Variants in MOV10L1 observed in about 807,000 individuals in gnomAD.
MOV10L1 encodes the protein Mov10 like RNA helicase 1.
In MOV10L1, 110 loss-of-function variants were observed where a neutral mutation model predicts 143.8. The ratio of observed to expected loss-of-function variants is 0.76; its 90% confidence interval spans 0.66 to 0.90. The LOEUF (loss-of-function observed/expected upper bound fraction) is 0.90, where lower values mean the gene tolerates loss of function less well. MOV10L1 is among the 40% of genes least tolerant of loss of function. The pLI is 0.00. For missense variants in MOV10L1, 1,406 were observed against 1,526.8 expected (o/e 0.92, Z 1.32); for synonymous variants, 593 against 581.1 (o/e 1.02, Z -0.29).
At chr22:50,118,223 C>CCATCGTTTGAAT (rs1555986156) in intron 9 of MOV10L1, among the ~76,000 whole-genome samples, 2 of 151,510 alleles carry the variant, frequency 1.3e-5, no homozygotes, top group Non-Finnish European at 2.9e-5. Context: ...TAAGGTTAGA[C>CCATCGTTTGAAT]CATTGTTTGA....
chr22:50,118,362 G>A (rs576278544), intron 9 of MOV10L1, among the ~76,000 whole-genome samples: 6 of 152,138 alleles, frequency 3.9e-5, no homozygotes, highest in Non-Finnish European at 7.3e-5. Context: ...GGTCAGACAT[G>A]TAAAATGTGC....
chr22:50,150,803 G>T lies in MOV10L1; in HGVS notation c.2796G>T (p.Gly932=). ...VIKSRLAMAY[G]LNVSFLERLM... ...AGTCCAGACTCGCCATGGCCTATGG[G>T]CTGAACGTGTCCTTTTTGGAACGGC... Residue 932 remains glycine (G), a synonymous_variant, in exon 21 of 27, where the codon GGG becomes GGT. Transcript: ENST00000262794. The T allele has an allele frequency of 6.2e-7, 1 of 1,614,204 alleles. No homozygotes were observed. Among genetic ancestry groups the T allele is most frequent in the Non-Finnish European group, 8.5e-7 (1 of 1,180,032 alleles).
chr22:50,134,401 T>A (rs1308162827), intron 14 of MOV10L1, 129 bp from the exon 15 acceptor site: 1 of 703,438 alleles, frequency 1.4e-6, no homozygotes, highest in Non-Finnish European at 2.4e-6. Flanking sequence ...AGAAACAGTA[T>A]AACAGGCAGG....
intron 16 of MOV10L1, 106 bp from the exon 17 acceptor site, chr22:50,142,937 T>C: frequency 9.8e-7 from 1 of 1,024,470 alleles, no homozygotes; most frequent in Admixed American, 2.1e-5. Context: ...GTGACTCTGA[T>C]TTAGCCTTTG....
intron 3 of MOV10L1, among the ~76,000 whole-genome samples, chr22:50,100,527 T>C (rs1005415000): frequency 2.0e-5 from 3 of 152,102 alleles, no homozygotes; most frequent in African/African-American, 7.2e-5. Context: ...TTCTTTCTTT[T>C]TTTTGAGATG....
chr22:50,150,148 A>G (rs1014748481), intron 20 of MOV10L1, among the ~76,000 whole-genome samples: 1 of 152,190 alleles, frequency 6.6e-6, no homozygotes, highest in African/African-American at 2.4e-5. Context: ...TGGCGTGGGC[A>G]TCACCTTGAA....
intron 15 of MOV10L1, among the ~76,000 whole-genome samples, chr22:50,139,476 C>G (rs1431131076): frequency 1.3e-5 from 2 of 151,628 alleles, no homozygotes; most frequent in Non-Finnish European, 2.9e-5. Context: ...ACCCAGGAGA[C>G]TGAGGCTGGA....
At chr22:50,116,534 A>G (rs1013680434) in intron 8 of MOV10L1, among the ~76,000 whole-genome samples, 3 of 152,072 alleles carry the variant, frequency 2.0e-5, no homozygotes, top group African/African-American at 7.2e-5. Context: ...CTGGGCAGAA[A>G]GCACATTAGA....
Position 50,110,178 on chromosome 22 carries a change from G to A in MOV10L1, c.743+1334G>A, listed in dbSNP as rs142736877. ...AAAAGAAGACTGTCTTGCCGGGCGC[G>A]GTGGCTCACGCCCGTAATACCAGCA... On this transcript the variant is annotated intron_variant, in intron 5 of 26. Coordinates refer to ENST00000262794, the MANE Select transcript of MOV10L1 (RefSeq NM_018995.3). Among the ~76,000 whole-genome samples, 781 of 152,096 alleles carry A rather than the reference G, an allele frequency of 5.1e-3. 8 individuals are homozygous for A. Among genetic ancestry groups the A allele is most frequent in the African/African-American group, 0.018 (734 of 41,482 alleles).
Position 50,108,168 on chromosome 22 carries a change from G to A in MOV10L1, c.475G>A (p.Ala159Thr), listed in dbSNP as rs750194242. ...GCCCTGCAAGGGAGACTGGGTGGAG[G>A]CTGAGTACCGGATCCGGCCTGGCAC... ...FEPCKGDWVE[A>T]EYRIRPGTWS... The change falls in exon 4 of 27, where the codon GCT becomes ACT. Residue 159 changes from alanine to threonine, a missense_variant. By Grantham distance (58) the Ala-to-Thr change is moderately conservative (BLOSUM62 0). This residue lies in a region of MOV10L1 where 1,233 missense variants were observed against 1,351.4 expected (regional missense o/e 0.91). Coordinates refer to ENST00000262794, the MANE Select transcript of MOV10L1 (RefSeq NM_018995.3). The A allele has an allele frequency of 1.2e-6, 2 of 1,613,986 alleles. No individual in the cohort carries two copies. The highest frequency in any genetic ancestry group is 1.7e-5 in the Admixed American group (1 of 59,990).
intron 12 of MOV10L1, among the ~76,000 whole-genome samples, chr22:50,127,092 C>T (rs1336426250): frequency 1.3e-5 from 2 of 152,170 alleles, no homozygotes; most frequent in Non-Finnish European, 2.9e-5. Flanking sequence ...ATGACCTCGC[C>T]AGCTCTCCAT....
In MOV10L1 at chr22:50,134,517, T is replaced by G; in HGVS notation, c.1970-13T>G. 1 of 1,612,242 alleles carries G rather than the reference T, an allele frequency of 6.2e-7. No homozygotes were observed. Among genetic ancestry groups the G allele is most frequent in the Non-Finnish European group, 8.5e-7 (1 of 1,178,284 alleles). Reference sequence around the variant, plus strand: ...AGTTATACCCGTGCTCTTACCATTTTTTGTTTTAAAAGTGTTGTTTCCAGA... The same window carrying G: ...AGTTATACCCGTGCTCTTACCATTTGTTGTTTTAAAAGTGTTGTTTCCAGA... On this transcript the variant is annotated splice_polypyrimidine_tract_variant and intron_variant, in intron 14 of 26. Transcript: ENST00000262794.
rs201319447 is a variant in MOV10L1, at chr22:50,108,296, C to T, written c.555+48C>T. The stretch of plus-strand genomic sequence containing the variant: ...CTCTCTGTGCTTCTGGCAGACCTGC[C>T]ATCAGGGGTAACTTGCACGGCCCAG... On this transcript the variant is annotated intron_variant, in intron 4 of 26. Transcript: ENST00000262794. 5.0e-5 allele frequency: 76 copies of T among 1,529,386 alleles called. No individual in the cohort carries two copies. The East Asian group carries it at 1.2e-3, about 25-fold the overall frequency. 94.7% of individuals were successfully genotyped at this position (1,529,386 alleles called of 1,614,324 possible).
chr22:50,090,531 G>A (rs756041523), intron 1 of MOV10L1: 60 of 1,604,128 alleles, frequency 3.7e-5, no homozygotes, highest in Non-Finnish European at 4.9e-5. Context: ...AGAAAGCCCC[G>A]AAAAACGCGG....
chr22:50,124,951 T>C (rs2062454261), intron 10 of MOV10L1, among the ~76,000 whole-genome samples: 1 of 152,206 alleles, frequency 6.6e-6, no homozygotes, highest in Non-Finnish European at 1.5e-5. Flanking sequence ...AACACCATCG[T>C]TTCTTATTTC....
At chr22:50,137,578 G>T (rs1484188423) in intron 15 of MOV10L1, among the ~76,000 whole-genome samples, 1 of 151,898 alleles carries the variant, frequency 6.6e-6, no homozygotes. Context: ...GGTGGCATGT[G>T]CCTGTAGACC....
intron 1 of MOV10L1, 106 bp downstream of exon 1, chr22:50,090,291 C>G (rs1328748759): frequency 6.9e-7 from 1 of 1,447,142 alleles, no homozygotes; most frequent in African/African-American, 1.4e-5. Context: ...CGGCAGGCAA[C>G]GCTGGGCCCG....
intron 1 of MOV10L1, chr22:50,090,491 G>T: frequency 6.2e-7 from 1 of 1,610,206 alleles, no homozygotes. Flanking sequence ...GTTCCTCCCT[G>T]TCCGCAGCGT....
At position 50,131,725 on chromosome 22, in the gene MOV10L1, A is replaced by G. The variant is rs1405265048; in HGVS notation, c.1911-2282A>G. On this transcript the variant is annotated intron_variant, in intron 13 of 26. Transcript: ENST00000262794. ...TGAATTACTATTGTACCTTTGTGAAAAAAAAAAAAAGAAAATCAGTTGACC... is the reference window on the plus strand; with the variant it reads ...TGAATTACTATTGTACCTTTGTGAAGAAAAAAAAAAGAAAATCAGTTGACC... 2.1e-5 allele frequency among the ~76,000 whole-genome samples: 3 copies of G among 142,448 alleles called. No individual in the cohort carries two copies. The East Asian group carries it at 6.4e-4, about 30-fold the overall frequency. The allele number at this position is 142,448 out of a possible 152,430, so 93.5% of individuals were successfully genotyped here.
Sources: gnomAD v4.1 joint callset for allele counts (sites outside exome capture counted in the v4.1 genomes callset) on GRCh38, gnomAD v4.1.1 for gene constraint, gnomAD v4.1.1 regional missense constraint, MANE v1.5 for transcripts, NCBI Gene and HGNC (gene_info 2026-07-23, HGNC 2026-07-21) for gene names.